ZBTB7C: variants seen among roughly 807,000 people sequenced by gnomAD.
The protein encoded by ZBTB7C is zinc finger and BTB domain containing 7C.
Under a neutral mutation model 25.7 loss-of-function variants are expected in ZBTB7C, and 8 were observed. The observed-to-expected ratio is 0.31, with a 90% CI of 0.18 to 0.56. The LOEUF is 0.56. ZBTB7C is among the 20% of genes least tolerant of loss of function. ZBTB7C has a pLI of 0.91. For missense variants in ZBTB7C, 824 were observed against 855.2 expected (o/e 0.96, Z 0.46); for synonymous variants, 394 against 369.0 (o/e 1.07, Z -0.78).
intron 1 of ZBTB7C, among the ~76,000 whole-genome samples, chr18:48,391,091 AGTGAACTGG>A (rs2047890609): frequency 6.6e-6 from 1 of 152,224 alleles, no homozygotes. Flanking sequence ...AAATGAAGTG[AGTGAACTGG>A]AGCTTCAAAA....
intron 2 of ZBTB7C, among the ~76,000 whole-genome samples, chr18:48,225,753 T>A (rs567027345): frequency 7.9e-5 from 12 of 151,490 alleles, no homozygotes; most frequent in Non-Finnish European, 1.6e-4. Flanking sequence ...ACTTCCTAAT[T>A]TTTTTTTTGA....
chr18:48,220,483 G>A (rs554697375), intron 2 of ZBTB7C, among the ~76,000 whole-genome samples: 2 of 152,320 alleles, frequency 1.3e-5, no homozygotes, highest in African/African-American at 4.8e-5. Context: ...CAGGCATGGT[G>A]CTGGGGGCAG....
At chr18:48,199,165 C>G (rs1846335647) in intron 2 of ZBTB7C, among the ~76,000 whole-genome samples, 1 of 152,180 alleles carries the variant, frequency 6.6e-6, no homozygotes, top group Admixed American at 6.5e-5. Flanking sequence ...TAACTCTTCT[C>G]TTTATCTCTA....
intron 2 of ZBTB7C, among the ~76,000 whole-genome samples, chr18:48,283,261 C>G (rs1193027803): frequency 1.3e-5 from 2 of 152,044 alleles, no homozygotes; most frequent in Admixed American, 6.5e-5. Flanking sequence ...TTGGAAATAG[C>G]CTAAATGTTG....
chr18:48,305,163 G>GT (rs1207246593), intron 2 of ZBTB7C, among the ~76,000 whole-genome samples: 4 of 152,176 alleles, frequency 2.6e-5, no homozygotes, highest in African/African-American at 9.7e-5. Context: ...ACTGTTCCCT[G>GT]TCAAACCTCA....
At chr18:48,185,132 C>T (rs1329784501) in intron 3 of ZBTB7C, among the ~76,000 whole-genome samples, 1 of 152,086 alleles carries the variant, frequency 6.6e-6, no homozygotes, top group African/African-American at 2.4e-5. Context: ...GCATCTTCTC[C>T]CCTCCCACCC....
chr18:48,193,710 G>T (rs73955334), intron 2 of ZBTB7C, among the ~76,000 whole-genome samples: 1 of 152,352 alleles, frequency 6.6e-6, no homozygotes, highest in African/African-American at 2.4e-5. Context: ...CTGCAGGGAA[G>T]GGTGGAGAGG....
intron 3 of ZBTB7C, among the ~76,000 whole-genome samples, chr18:48,166,614 A>G (rs936885289): frequency 2.0e-5 from 3 of 152,192 alleles, no homozygotes; most frequent in African/African-American, 4.8e-5. Flanking sequence ...CCTGGTCCTC[A>G]GCGATACGGA....
Position 48,029,405 on chromosome 18 carries a change from C to T in ZBTB7C, c.1715G>A (p.Gly572Asp), listed in dbSNP as rs755323250. ...AQLEAERNAG[G>D]LLAFALAENV... ...CTCGGCCAGCGCGAAGGCCAGGAGG[C>T]CCCCCGCGTTCCTCTCAGCCTCCAG... The change falls in exon 5 of 5, where the codon GGC becomes GAC. Residue 572 changes from glycine (G) to aspartate (D), a missense_variant. By Grantham distance (94) the Gly-to-Asp change is moderately conservative (BLOSUM62 -1). Coordinates refer to ENST00000590800, the MANE Select transcript of ZBTB7C (RefSeq NM_001318841.2). 4 of 1,570,056 alleles carry T rather than the reference C, an allele frequency of 2.5e-6. No individual in the cohort carries two copies. The highest frequency in any genetic ancestry group is 2.4e-5 in the East Asian group (1 of 42,188).
intron 2 of ZBTB7C, among the ~76,000 whole-genome samples, chr18:48,278,356 A>T (rs2044730135): frequency 1.3e-5 from 2 of 152,192 alleles, no homozygotes; most frequent in East Asian, 3.9e-4. Flanking sequence ...GAGTGGCACC[A>T]TCTTGGATCG....
intron 3 of ZBTB7C, among the ~76,000 whole-genome samples, chr18:48,138,404 T>G (rs1281262050): frequency 6.6e-6 from 1 of 152,110 alleles, no homozygotes; most frequent in Non-Finnish European, 1.5e-5. Context: ...GGGAAACTTG[T>G]GTCAGGAAGG....
chr18:48,106,558 G>A (rs1245278032), intron 3 of ZBTB7C, among the ~76,000 whole-genome samples: 2 of 152,092 alleles, frequency 1.3e-5, no homozygotes, highest in Admixed American at 1.3e-4. Context: ...GTCAGAGGAG[G>A]GGCAGGAGGT....
intron 3 of ZBTB7C, among the ~76,000 whole-genome samples, chr18:48,146,682 A>G (rs2040507256): frequency 1.3e-5 from 2 of 152,190 alleles, no homozygotes; most frequent in Admixed American, 1.3e-4. Context: ...ATTTTCTTTC[A>G]CCTTGTAAAA....
Position 48,117,999 on chromosome 18 carries a change from T to C in ZBTB7C, c.-17+67935A>G, listed in dbSNP as rs1028757336. 1.9e-4 allele frequency among the ~76,000 whole-genome samples: 28 copies of C among 144,600 alleles called. No homozygotes were observed. The South Asian group carries it at 5.3e-3, about 27-fold the overall frequency. 94.9% of individuals were successfully genotyped at this position (144,600 alleles called of 152,430 possible). A position where few individuals can be genotyped will look rare whatever the true frequency, so the allele number is the denominator to read the frequency against. The stretch of plus-strand genomic sequence containing the variant: ...CATGATCAATCTTTTCTTCTTCTTC[T>C]TCTTTTTTTTTTTTTTTTTTTACTG... On this transcript the variant is annotated intron_variant, in intron 3 of 4. Transcript: ENST00000590800.
intron 3 of ZBTB7C, among the ~76,000 whole-genome samples, chr18:48,059,356 C>T (rs964774469): frequency 5.9e-5 from 9 of 152,022 alleles, no homozygotes; most frequent in East Asian, 1.9e-4. Context: ...AAACAGAAGG[C>T]GGGGGTTAAC....
At chr18:48,151,304 C>A (rs1221646490) in intron 3 of ZBTB7C, among the ~76,000 whole-genome samples, 1 of 152,178 alleles carries the variant, frequency 6.6e-6, no homozygotes, top group Non-Finnish European at 1.5e-5. Flanking sequence ...GGGACCTTTT[C>A]CGTATTATAG....
chr18:48,281,133 C>T (rs2044834964), intron 2 of ZBTB7C, among the ~76,000 whole-genome samples: 1 of 152,000 alleles, frequency 6.6e-6, no homozygotes, highest in Non-Finnish European at 1.5e-5. Flanking sequence ...GGATTACAGG[C>T]GTGAGCCACC....
chr18:48,319,205 G>T (rs527462465), intron 2 of ZBTB7C, among the ~76,000 whole-genome samples: 1 of 152,180 alleles, frequency 6.6e-6, no homozygotes, highest in South Asian at 2.1e-4. Flanking sequence ...GAAAGTGTGT[G>T]TGTGAGCTCA....
intron 3 of ZBTB7C, among the ~76,000 whole-genome samples, chr18:48,043,285 C>T (rs2036334045): frequency 6.6e-6 from 1 of 152,196 alleles, no homozygotes; most frequent in Admixed American, 6.5e-5. Context: ...AACTCATACA[C>T]AAATGTTCAT....
Sources: allele counts gnomAD v4.1 joint callset (sites outside exome capture counted in the v4.1 genomes callset), GRCh38; gene constraint gnomAD v4.1.1; transcripts MANE v1.5; gene names NCBI Gene and HGNC (gene_info 2026-07-23, HGNC 2026-07-21).